Variants in DCC observed in about 807,000 individuals in gnomAD.
DCC encodes the protein DCC netrin 1 receptor, also known as netrin receptor DCC.
Under a neutral mutation model 172.5 loss-of-function variants are expected in DCC, and 58 were observed. That is an observed-to-expected ratio of 0.34 (90% CI 0.27 to 0.42). DCC has a LOEUF of 0.42. DCC is among the 10% of genes least tolerant of loss of function. The probability of loss-of-function intolerance (pLI) is 1.00; values close to 1 mark genes in which losing one functional copy is unlikely to be tolerated. For missense variants in DCC, 1,740 were observed against 1,791.0 expected (o/e 0.97, Z 0.51); for synonymous variants, 709 against 644.5 (o/e 1.10, Z -1.52).
At chr18:53,216,714 G>A (rs2055857564) in intron 12 of DCC, among the ~76,000 whole-genome samples, 2 of 152,112 alleles carry the variant, frequency 1.3e-5, no homozygotes, top group African/African-American at 4.8e-5. Flanking sequence ...ATCTTTTGAA[G>A]CAAGTGAATG....
intron 2 of DCC, among the ~76,000 whole-genome samples, chr18:52,797,912 C>T (rs2037907882): frequency 6.6e-6 from 1 of 152,188 alleles, no homozygotes; most frequent in Admixed American, 6.5e-5. Flanking sequence ...TGGGCAATAG[C>T]AGTTGCAGTG....
intron 1 of DCC, among the ~76,000 whole-genome samples, chr18:52,428,337 C>T (rs990110465): frequency 4.6e-5 from 7 of 151,992 alleles, no homozygotes; most frequent in African/African-American, 9.7e-5. Context: ...GTGTCTACTC[C>T]GTTAGTACAA....
intron 16 of DCC, among the ~76,000 whole-genome samples, chr18:53,390,139 C>T (rs1261384707): frequency 6.6e-6 from 1 of 152,204 alleles, no homozygotes; most frequent in Non-Finnish European, 1.5e-5. Context: ...TCCCCTTCAT[C>T]GTTTTATAAA....
At chr18:53,379,703 A>G (rs1345128559) in intron 15 of DCC, among the ~76,000 whole-genome samples, 1 of 152,222 alleles carries the variant, frequency 6.6e-6, no homozygotes, top group Non-Finnish European at 1.5e-5. Flanking sequence ...CAGAGAATAT[A>G]CTGGCCAAGA....
intron 1 of DCC, among the ~76,000 whole-genome samples, chr18:52,597,101 C>A (rs1192801114): frequency 7.1e-6 from 1 of 141,268 alleles, no homozygotes; most frequent in East Asian, 1.9e-4. Flanking sequence ...CGGTGAAATT[C>A]TTTCTATTTT....
At chr18:53,509,289 ATTTTGT>A (rs1037928371) in intron 27 of DCC, among the ~76,000 whole-genome samples, 3 of 152,206 alleles carry the variant, frequency 2.0e-5, no homozygotes, top group Admixed American at 2.0e-4. Flanking sequence ...AAAATTATAC[ATTTTGT>A]TTTTATTAAG....
chr18:53,144,732 G>C (rs964756360), intron 7 of DCC, among the ~76,000 whole-genome samples: 15 of 152,106 alleles, frequency 9.9e-5, no homozygotes, highest in Non-Finnish European at 5.9e-5. Context: ...AAATAGTCAA[G>C]TCAGGGGCTG....
At chr18:52,949,962 C>T (rs1039640363) in intron 5 of DCC, among the ~76,000 whole-genome samples, 1 of 152,274 alleles carries the variant, frequency 6.6e-6, no homozygotes, top group South Asian at 2.1e-4. Context: ...TCAGGGACAT[C>T]TCACCTATTT....
intron 7 of DCC, among the ~76,000 whole-genome samples, chr18:53,132,707 G>A (rs893546521): frequency 2.6e-5 from 4 of 152,146 alleles, no homozygotes; most frequent in Admixed American, 6.6e-5. Flanking sequence ...GTGTGCACCT[G>A]TGGAGTAGCT....
intron 1 of DCC, among the ~76,000 whole-genome samples, chr18:52,710,219 G>A (rs994503131): frequency 1.3e-5 from 2 of 152,176 alleles, no homozygotes; most frequent in Admixed American, 6.5e-5. Context: ...GCTGATTAAA[G>A]TGCAGTATAA....
At chr18:52,692,687 C>G (rs150553965) in intron 1 of DCC, among the ~76,000 whole-genome samples, 158 of 152,256 alleles carry the variant, frequency 1.0e-3, no homozygotes, top group African/African-American at 3.2e-3. Flanking sequence ...CTGCCTTGGT[C>G]TCCCAAAGAA....
At chr18:52,609,150 G>A (rs1262216958) in intron 1 of DCC, among the ~76,000 whole-genome samples, 2 of 152,140 alleles carry the variant, frequency 1.3e-5, no homozygotes, top group Non-Finnish European at 2.9e-5. Context: ...TGATTCATAT[G>A]TTTAATATGC....
At chr18:53,141,434 G>T (rs150159615) in intron 7 of DCC, among the ~76,000 whole-genome samples, 1 of 152,108 alleles carries the variant, frequency 6.6e-6, no homozygotes, top group East Asian at 1.9e-4. Context: ...GAAAATCCAG[G>T]AAGGCAAAAA....
At chr18:52,840,032 G>C (rs150947074) in intron 2 of DCC, among the ~76,000 whole-genome samples, 1 of 152,268 alleles carries the variant, frequency 6.6e-6, no homozygotes, top group East Asian at 1.9e-4. Context: ...AAGGTTTCTC[G>C]TTCATTAGTT....
At chr18:53,095,321 C>G (rs2043070520) in intron 7 of DCC, among the ~76,000 whole-genome samples, 1 of 152,156 alleles carries the variant, frequency 6.6e-6, no homozygotes, top group Non-Finnish European at 1.5e-5. Flanking sequence ...TGGTCTGTTT[C>G]TGTCCCCATG....
At chr18:53,057,095 A>C (rs955275890) in intron 5 of DCC, among the ~76,000 whole-genome samples, 1 of 150,702 alleles carries the variant, frequency 6.6e-6, no homozygotes, top group African/African-American at 2.4e-5. Context: ...AAAAAAAAAA[A>C]AAAAAAAAGC....
chr18:52,511,883 C>T (rs1254637798), intron 1 of DCC, among the ~76,000 whole-genome samples: 2 of 152,154 alleles, frequency 1.3e-5, no homozygotes, highest in Non-Finnish European at 2.9e-5. Context: ...TCCCATTATT[C>T]ACATGTTCTT....
At chr18:53,119,902 A>C (rs2043459569) in intron 7 of DCC, among the ~76,000 whole-genome samples, 1 of 151,904 alleles carries the variant, frequency 6.6e-6, no homozygotes, top group African/African-American at 2.4e-5. Flanking sequence ...TGATTTGTAA[A>C]AAGGAATATA....
chr18:53,120,466 A>G (rs182161793), intron 7 of DCC, among the ~76,000 whole-genome samples: 1 of 151,954 alleles, frequency 6.6e-6, no homozygotes, highest in East Asian at 1.9e-4. Flanking sequence ...ACTCTTACTT[A>G]ATAACAGGAA....
Sources: gnomAD v4.1 joint callset for allele counts (sites outside exome capture counted in the v4.1 genomes callset) on GRCh38, gnomAD v4.1.1 for gene constraint, MANE v1.5 for transcripts, NCBI Gene and HGNC (gene_info 2026-07-23, HGNC 2026-07-21) for gene names.